The following KDM1A variants were observed in gnomAD, a reference collection of about 807,000 sequenced individuals.
KDM1A encodes lysine demethylase 1A.
A neutral mutation model predicts 109.4 loss-of-function variants in KDM1A; 49 were observed. The observed-to-expected ratio is 0.45, with a 90% CI of 0.36 to 0.57. The LOEUF is 0.57. Among genes scored for constraint, KDM1A ranks in the 20% least tolerant of loss-of-function variants. The probability of loss-of-function intolerance (pLI) is 0.00; values close to 1 mark genes in which losing one functional copy is unlikely to be tolerated. For missense variants in KDM1A, 668 were observed against 1,116.6 expected (o/e 0.60, Z 5.73); for synonymous variants, 380 against 415.4 (o/e 0.91, Z 1.04).
chr1:23,041,644 T>C (rs1164847690), intron 2 of KDM1A, among the ~76,000 whole-genome samples: 2 of 151,856 alleles, frequency 1.3e-5, no homozygotes, highest in African/African-American at 4.8e-5. Flanking sequence ...CGTTTCACCA[T>C]GTTGGTCAGG....
rs780489498 is a variant in KDM1A at position 23,082,032 on chromosome 1, CT to C, written c.2299-186del. 58 of 553,146 alleles carry C rather than the reference CT, an allele frequency of 1.0e-4. 1 individual carries two copies. In the South Asian group the frequency reaches 1.2e-3, roughly 11 times the overall value. 34.3% of individuals were successfully genotyped at this position (553,146 alleles called of 1,614,324 possible). A position where few individuals can be genotyped will look rare whatever the true frequency, so the allele number is the denominator to read the frequency against. The stretch of plus-strand genomic sequence containing the variant: ...CAGGAAGGCAACATGGAGGGGCATC[CT>C]TCCTGTCTGAAGTCCTTTTGTCCAT... On this transcript the variant is annotated intron_variant, in intron 19 of 20. Coordinates refer to ENST00000400181, the MANE Select transcript of KDM1A (RefSeq NM_001009999.3).
intron 9 of KDM1A, among the ~76,000 whole-genome samples, chr1:23,065,204 T>C (rs536621470): frequency 1.4e-4 from 22 of 152,316 alleles, no homozygotes; most frequent in African/African-American, 5.1e-4. Flanking sequence ...TATTGTTCCA[T>C]AATAATTTGT....
At position 23,083,394 on chromosome 1, in the gene KDM1A, T is replaced by C. The variant is rs759408534; in HGVS notation, c.*30T>C. The C allele has an allele frequency of 3.8e-6, 6 of 1,583,790 alleles. No individual in the cohort carries two copies. Among genetic ancestry groups the C allele is most frequent in the African/African-American group, 1.3e-5 (1 of 74,374 alleles). On this transcript the variant is annotated 3_prime_UTR_variant, in exon 21 of 21. Transcript: ENST00000400181. ...GATGCATTCTAAGGGAAGAGGCCCA[T>C]GTGCCTGTTTCTGCCATGTAAGGAA... is the stretch of plus-strand genomic sequence containing the variant.
rs528378078 is a variant in KDM1A, at chr1:23,079,960, G to A, written c.2170+293G>A. Among the ~76,000 whole-genome samples the A allele has an allele frequency of 6.6e-6, 1 of 152,116 alleles. No homozygotes were observed. Among genetic ancestry groups the A allele is most frequent in the African/African-American group, 2.4e-5 (1 of 41,408 alleles). ...ACTCAGCCTGGAGGGATAGGCCCAG[G>A]GAGGCTTCCTACCAGGGGAAGCTTG... On this transcript the variant is annotated intron_variant, in intron 18 of 20. Coordinates refer to ENST00000400181, the MANE Select transcript of KDM1A (RefSeq NM_001009999.3). This position sits in a 1 kb window ranked among gnomAD's most constrained non-coding sequence, Gnocchi z 5.6.
chr1:23,057,903 C>T (rs545359764), intron 8 of KDM1A: 249 of 170,632 alleles, frequency 1.5e-3, no homozygotes, highest in African/African-American at 5.6e-3. Flanking sequence ...CTCAGCCTCC[C>T]GAGTAGCTAA....
Position 23,079,009 on chromosome 1 carries a change from G to A in KDM1A, c.1887G>A (p.Val629=), listed in dbSNP as rs757992062. ...YTASGCEVIA[V]NTRSTSQTFI... is the part of the protein sequence containing the mutation. ...CTGCAGGATGTGAAGTGATAGCTGTGAATACCCGCTCCACGAGTCAAACCT... is the reference window on the plus strand; with the variant it reads ...CTGCAGGATGTGAAGTGATAGCTGTAAATACCCGCTCCACGAGTCAAACCT... The change falls in exon 17 of 21, where the codon GTG becomes GTA. Residue 629 remains valine, a synonymous_variant. Coordinates refer to ENST00000400181, the MANE Select transcript of KDM1A (RefSeq NM_001009999.3). The surrounding 1 kb of genome is among the most constrained non-coding windows in gnomAD (Gnocchi z 5.6). The A allele has an allele frequency of 9.3e-6, 15 of 1,613,960 alleles. No homozygotes were observed. Among genetic ancestry groups the A allele is most frequent in the Non-Finnish European group, 1.3e-5 (15 of 1,179,902 alleles).
At position 23,068,544 on chromosome 1, in the gene KDM1A, T is replaced by C. The variant is rs145865107; in HGVS notation, c.1185T>C (p.Pro395=). 753 of 1,577,040 alleles carry C rather than the reference T, an allele frequency of 4.8e-4. 6 individuals are homozygous for C. In the African/African-American group the frequency reaches 8.8e-3, roughly 18 times the overall value. ...ANGQADTVKV[P]KEKDEMVEQE... is the part of the protein sequence containing the mutation. ...GCTATACTTCGGATTTTCAGGTTCC[T>C]AAAGAGAAAGATGAAATGGTAGAGC... Residue 395 remains proline (P), a synonymous_variant, in exon 11 of 21, where the codon CCT becomes CCC. Transcript: ENST00000400181.
intron 1 of KDM1A, among the ~76,000 whole-genome samples, chr1:23,023,234 A>G (rs1641695264): frequency 1.3e-5 from 2 of 152,168 alleles, no homozygotes; most frequent in Non-Finnish European, 1.5e-5. Context: ...ATGAGATCCA[A>G]TTTATTCTTT....
intron 15 of KDM1A, among the ~76,000 whole-genome samples, chr1:23,076,964 C>CAAA (rs11406578): frequency 2.1e-5 from 3 of 143,142 alleles, no homozygotes; most frequent in Admixed American, 7.0e-5. Flanking sequence ...GACTCTGTAT[C>CAAA]AAAAAAAAAA....
At chr1:23,041,148 A>G (rs933669116) in intron 2 of KDM1A, among the ~76,000 whole-genome samples, 36 of 152,176 alleles carry the variant, frequency 2.4e-4, no homozygotes, top group Non-Finnish European at 4.9e-4. Context: ...TTTTAAGAAA[A>G]TGTTCAAGAA....
intron 20 of KDM1A, 26 bp downstream of exon 20, chr1:23,082,392 C>A: frequency 6.3e-7 from 1 of 1,587,644 alleles, no homozygotes; most frequent in South Asian, 1.1e-5. Flanking sequence ...ACTATCTGGG[C>A]TTATTTGGGA....
At chr1:23,048,726 G>C (rs968786301) in intron 3 of KDM1A, among the ~76,000 whole-genome samples, 1 of 151,956 alleles carries the variant, frequency 6.6e-6, no homozygotes, top group African/African-American at 2.4e-5. Flanking sequence ...TAATAGCTTA[G>C]CTATAATTTT....
At chr1:23,054,550 T>C (rs1041200003) in intron 5 of KDM1A, among the ~76,000 whole-genome samples, 8 of 152,160 alleles carry the variant, frequency 5.3e-5, no homozygotes, top group African/African-American at 1.9e-4. Context: ...CAGTGGCGCA[T>C]TCACAGCTTA....
At chr1:23,020,019 C>G (rs1162330705) in intron 1 of KDM1A, 72 bp downstream of exon 1, 1 of 1,371,330 alleles carries the variant, frequency 7.3e-7, no homozygotes, top group Non-Finnish European at 9.5e-7. Flanking sequence ...CGCCCTCCCC[C>G]GCCGCCGCCG....
At chr1:23,039,747 G>A (rs139207093) in intron 2 of KDM1A, among the ~76,000 whole-genome samples, 2 of 152,248 alleles carry the variant, frequency 1.3e-5, no homozygotes, top group African/African-American at 4.8e-5. Context: ...CAGATCTCTC[G>A]GGAATTGTTC....
At chr1:23,031,055 G>T (rs1486580528) in intron 2 of KDM1A, among the ~76,000 whole-genome samples, 2 of 152,244 alleles carry the variant, frequency 1.3e-5, no homozygotes, top group Non-Finnish European at 2.9e-5. Context: ...CACGTAGTTA[G>T]ATACTTTCTG....
At chr1:23,025,502 T>C (rs1323753272) in intron 1 of KDM1A, among the ~76,000 whole-genome samples, 3 of 152,104 alleles carry the variant, frequency 2.0e-5, no homozygotes, top group Non-Finnish European at 4.4e-5. Context: ...AGCTAATTTT[T>C]GTATTTTCAG....
Position 23,079,468 on chromosome 1 carries a change from G to T in KDM1A, c.2056-85G>T. The T allele has an allele frequency of 1.0e-6, 1 of 995,350 alleles. No individual in the cohort carries two copies. The highest frequency in any genetic ancestry group is 2.1e-4 in the Middle Eastern group (1 of 4,668). The allele number at this position is 995,350 out of a possible 1,614,324, so 61.7% of individuals were successfully genotyped here. A position where few individuals can be genotyped will look rare whatever the true frequency, so the allele number is the denominator to read the frequency against. ...GATTGCTGGGCTTATTTTGAAAGCAGATTAGAAGAGACTTTAAGGAAGTCT... is the reference window on the plus strand; with the variant it reads ...GATTGCTGGGCTTATTTTGAAAGCATATTAGAAGAGACTTTAAGGAAGTCT... On this transcript the variant is annotated intron_variant, in intron 17 of 20. Coordinates refer to ENST00000400181, the MANE Select transcript of KDM1A (RefSeq NM_001009999.3). This position sits in a 1 kb window ranked among gnomAD's most constrained non-coding sequence, Gnocchi z 5.6.
At chr1:23,025,040 G>A (rs1023509535) in intron 1 of KDM1A, among the ~76,000 whole-genome samples, 5 of 152,206 alleles carry the variant, frequency 3.3e-5, no homozygotes, top group Admixed American at 1.3e-4. Context: ...GACCAGTAGC[G>A]TTGGGGTTGT....
Sources: gnomAD v4.1 joint callset for allele counts (sites outside exome capture counted in the v4.1 genomes callset) on GRCh38, gnomAD v4.1.1 for gene constraint, Gnocchi (gnomAD v3.1) non-coding constraint, MANE v1.5 for transcripts, NCBI Gene and HGNC (gene_info 2026-07-23, HGNC 2026-07-21) for gene names.